The following HIVEP3 variants were observed in gnomAD, a reference collection of about 807,000 sequenced individuals.
The protein encoded by HIVEP3 is HIVEP zinc finger 3, also known as transcription factor HIVEP3.
In HIVEP3, 49 loss-of-function variants were observed where a neutral mutation model predicts 152.8. That is an observed-to-expected ratio of 0.32 (90% CI 0.26 to 0.41). The LOEUF (loss-of-function observed/expected upper bound fraction) is 0.41, where lower values mean the gene tolerates loss of function less well. HIVEP3 is among the 10% of genes least tolerant of loss of function. The pLI is 1.00. For synonymous variants in HIVEP3, 1,269 were observed against 1,289.0 expected, an observed-to-expected ratio of 0.98 and a Z score of 0.33; for missense variants, 2,790 against 3,103.3, an observed-to-expected ratio of 0.90 and a Z score of 2.40.
chr1:42,001,286 G>A (rs1645426418), intron 1 of HIVEP3, among the ~76,000 whole-genome samples: 1 of 152,230 alleles, frequency 6.6e-6, no homozygotes. Context: ...AGAAGCATAA[G>A]TCTGTCCGCG....
At chr1:41,671,743 C>T (rs1453871903) in intron 2 of HIVEP3, among the ~76,000 whole-genome samples, 1 of 152,200 alleles carries the variant, frequency 6.6e-6, no homozygotes, top group Non-Finnish European at 1.5e-5. Flanking sequence ...GTGAGTACGG[C>T]CCAGTCAGAC....
In HIVEP3 at chr1:41,697,385, C is replaced by T. The variant is rs145468387; in HGVS notation, c.-721+3531G>A. ...CTTGAAGTCTCAAACATTCAGAAAG[C>T]AACTCCTTAAGGGAGTGAGTTTTGA... On this transcript the variant is annotated intron_variant, in intron 2 of 8. Transcript: ENST00000372583. Among the ~76,000 whole-genome samples the T allele has an allele frequency of 1.4e-4, 22 of 152,370 alleles. No homozygotes were observed. The East Asian group carries it at 3.9e-3, about 27-fold the overall frequency.
intron 6 of HIVEP3, among the ~76,000 whole-genome samples, chr1:41,518,807 A>G (rs1642679663): frequency 6.7e-6 from 1 of 148,746 alleles, no homozygotes; most frequent in South Asian, 2.1e-4. Flanking sequence ...AGACAACTCA[A>G]GTGCAATAGG....
At chr1:41,794,937 A>G (rs1476751049) in intron 1 of HIVEP3, among the ~76,000 whole-genome samples, 2 of 152,152 alleles carry the variant, frequency 1.3e-5, no homozygotes, top group Non-Finnish European at 2.9e-5. Context: ...AAATTTATTT[A>G]TTTATTTAGA....
chr1:42,027,994 C>T (rs1645592079), intron 1 of HIVEP3, among the ~76,000 whole-genome samples: 1 of 152,166 alleles, frequency 6.6e-6, no homozygotes, highest in Admixed American at 6.5e-5. Flanking sequence ...GTAGGGAATG[C>T]TCCACCTCTA....
At chr1:41,803,398 A>C (rs1275778376) in intron 1 of HIVEP3, among the ~76,000 whole-genome samples, 1 of 152,180 alleles carries the variant, frequency 6.6e-6, no homozygotes, top group Non-Finnish European at 1.5e-5. Context: ...CCAAGGCCCC[A>C]CCTTCTCAGT....
At chr1:41,888,461 G>C (rs778416310) in intron 1 of HIVEP3, among the ~76,000 whole-genome samples, 5 of 151,878 alleles carry the variant, frequency 3.3e-5, no homozygotes, top group Non-Finnish European at 5.9e-5. Flanking sequence ...AGGAGAAGGA[G>C]GAGAAAGGAA....
Position 41,583,125 on chromosome 1 carries a change from C to G in HIVEP3, c.1673G>C (p.Arg558Pro), listed in dbSNP as rs143274774. The change falls in exon 4 of 9, where the codon CGA becomes CCA. Residue 558 changes from arginine to proline, a missense_variant. This residue lies in a region of HIVEP3 where 339 missense variants were observed against 327.0 expected (regional missense o/e 1.04). Coordinates refer to ENST00000372583, the MANE Select transcript of HIVEP3 (RefSeq NM_024503.5). The surrounding 1 kb of genome is among the most constrained non-coding windows in gnomAD (Gnocchi z 6.9). The stretch of plus-strand genomic sequence containing the variant: ...ATGGTCATCGAAGGAGTAGCTACCT[C>G]GGAAGGGGTGGTGGGGGGTGCTGAT... The part of the protein sequence containing the change: ...CTISTPHHPF[R>P]GSYSFDDHIT... 6.2e-7 allele frequency: 1 copy of G among 1,612,660 alleles called. No homozygotes were observed. The highest frequency in any genetic ancestry group is 8.5e-7 in the Non-Finnish European group (1 of 1,179,824).
intron 2 of HIVEP3, among the ~76,000 whole-genome samples, chr1:41,641,000 C>G (rs547795164): frequency 1.8e-4 from 27 of 152,234 alleles, no homozygotes; most frequent in Non-Finnish European, 3.4e-4. Context: ...AGAGTGCACG[C>G]CCTGGGCTGG....
intron 1 of HIVEP3, among the ~76,000 whole-genome samples, chr1:41,805,809 C>T (rs1650569910): frequency 6.6e-6 from 1 of 152,158 alleles, no homozygotes. Flanking sequence ...CAAAAGCAGC[C>T]CTTCCATCCT....
intron 1 of HIVEP3, among the ~76,000 whole-genome samples, chr1:41,768,548 T>G (rs1384743127): frequency 6.6e-6 from 1 of 152,228 alleles, no homozygotes; most frequent in Non-Finnish European, 1.5e-5. Flanking sequence ...TATAAAAAGG[T>G]GCTGGAATTG....
At chr1:41,625,594 G>T (rs1645106005) in intron 3 of HIVEP3, among the ~76,000 whole-genome samples, 1 of 152,162 alleles carries the variant, frequency 6.6e-6, no homozygotes, top group Admixed American at 6.5e-5. Flanking sequence ...AGACAGCCAG[G>T]TGTGGTGGTC....
chr1:41,666,397 T>A (rs948588597), intron 2 of HIVEP3, among the ~76,000 whole-genome samples: 1 of 152,172 alleles, frequency 6.6e-6, no homozygotes, highest in African/African-American at 2.4e-5. Flanking sequence ...GGGTTCAGGC[T>A]CCAGCCCCAC....
chr1:41,847,297 A>G (rs1376940268), intron 1 of HIVEP3: 1 of 152,244 alleles, frequency 6.6e-6, no homozygotes, highest in Non-Finnish European at 1.5e-5. Flanking sequence ...TGCTGTAGCT[A>G]TGTAAATGAG....
intron 5 of HIVEP3, among the ~76,000 whole-genome samples, chr1:41,557,096 T>C (rs930142007): frequency 6.6e-5 from 10 of 152,214 alleles, no homozygotes; most frequent in African/African-American, 2.4e-4. Context: ...TGCAAGATTG[T>C]TTTGGTGGTT....
At chr1:41,688,167 T>G (rs1350135032) in intron 2 of HIVEP3, among the ~76,000 whole-genome samples, 1 of 152,226 alleles carries the variant, frequency 6.6e-6, no homozygotes, top group African/African-American at 2.4e-5. Context: ...GACCTCCAGA[T>G]AGCCAAGCCG....
intron 1 of HIVEP3, among the ~76,000 whole-genome samples, chr1:41,852,512 G>A (rs1031562650): frequency 6.6e-6 from 1 of 152,178 alleles, no homozygotes; most frequent in South Asian, 2.1e-4. Context: ...GCTTCTTCAT[G>A]TCCTTAGGGT....
intron 1 of HIVEP3, among the ~76,000 whole-genome samples, chr1:41,763,593 AG>A (rs1647828056): frequency 6.6e-6 from 1 of 152,240 alleles, no homozygotes; most frequent in Non-Finnish European, 1.5e-5. Flanking sequence ...GGAAAATACC[AG>A]GGCTACTATT....
intron 1 of HIVEP3, among the ~76,000 whole-genome samples, chr1:42,014,899 C>T (rs1557562483): frequency 6.6e-6 from 1 of 152,180 alleles, no homozygotes; most frequent in East Asian, 1.9e-4. Flanking sequence ...GGCTCCTGTA[C>T]AGTCATGTCC....
Sources: allele counts gnomAD v4.1 joint callset (sites outside exome capture counted in the v4.1 genomes callset), GRCh38; gene constraint gnomAD v4.1.1; regional missense constraint gnomAD v4.1.1; non-coding constraint Gnocchi (gnomAD v3.1); transcripts MANE v1.5; gene names NCBI Gene and HGNC (gene_info 2026-07-23, HGNC 2026-07-21).